Variants in CHN2 observed in about 807,000 individuals in gnomAD.
The protein encoded by CHN2 is chimerin 2.
A neutral mutation model predicts 56.3 loss-of-function variants in CHN2; 35 were observed. The observed-to-expected ratio is 0.62, with a 90% CI of 0.47 to 0.82. The LOEUF is 0.82. Ranked by LOEUF, CHN2 falls within the 40% of genes least tolerant of loss-of-function variation. The pLI is 0.00. For synonymous variants in CHN2, 210 were observed against 212.8 expected (o/e 0.99, Z 0.12); for missense variants, 491 against 580.5 (o/e 0.85, Z 1.58).
chr7:29,155,504 A>C (rs1794237857), intron 2 of CHN2, among the ~76,000 whole-genome samples: 1 of 152,214 alleles, frequency 6.6e-6, no homozygotes, highest in Non-Finnish European at 1.5e-5. Flanking sequence ...TAACAGAAGA[A>C]TAGAGATGTT....
intron 7 of CHN2, among the ~76,000 whole-genome samples, chr7:29,485,785 T>C (rs576083649): frequency 7.3e-4 from 111 of 152,226 alleles, no homozygotes; most frequent in Middle Eastern, 3.4e-3. Context: ...TCCTGGGCCC[T>C]GGAGCCATCA....
chr7:29,502,835 A>G (rs529870765), intron 9 of CHN2, among the ~76,000 whole-genome samples: 1 of 152,028 alleles, frequency 6.6e-6, no homozygotes, highest in Non-Finnish European at 1.5e-5. Context: ...GCACCTATCA[A>G]CCTGTCATCT....
At chr7:29,423,277 C>T (rs1804525966) in intron 6 of CHN2, among the ~76,000 whole-genome samples, 1 of 152,232 alleles carries the variant, frequency 6.6e-6, no homozygotes, top group African/African-American at 2.4e-5. Flanking sequence ...CCCCTGCACC[C>T]CGCAGGACTG....
chr7:29,321,849 G>A (rs1795387439), intron 1 of CHN2, among the ~76,000 whole-genome samples: 3 of 152,068 alleles, frequency 2.0e-5, no homozygotes, highest in African/African-American at 7.2e-5. Flanking sequence ...GGATACAGGC[G>A]TGAGCCACCG....
intron 3 of CHN2, among the ~76,000 whole-genome samples, chr7:29,381,724 C>A (rs900185128): frequency 1.3e-5 from 2 of 149,374 alleles, no homozygotes; most frequent in African/African-American, 4.9e-5. Flanking sequence ...GACACCCTGG[C>A]TCCAGCCCTG....
At chr7:29,263,309 C>T (rs554228980) in intron 1 of CHN2, among the ~76,000 whole-genome samples, 30 of 152,352 alleles carry the variant, frequency 2.0e-4, no homozygotes, top group African/African-American at 5.8e-4. Flanking sequence ...GGATTGCAGA[C>T]GGAGTCTCGC....
intron 11 of CHN2, among the ~76,000 whole-genome samples, chr7:29,508,401 T>C (rs1390307103): frequency 7.1e-6 from 1 of 140,358 alleles, no homozygotes; most frequent in Non-Finnish European, 1.5e-5. Flanking sequence ...CTTGTTGTTG[T>C]TGTTGTTGTT....
At chr7:29,333,791 G>A (rs1447555040) in intron 1 of CHN2, among the ~76,000 whole-genome samples, 4 of 152,112 alleles carry the variant, frequency 2.6e-5, no homozygotes, top group Non-Finnish European at 4.4e-5. Flanking sequence ...AGTGGCTGCC[G>A]GAAGCAGTAT....
intron 7 of CHN2, among the ~76,000 whole-genome samples, chr7:29,484,817 T>C (rs1481960530): frequency 6.6e-6 from 1 of 152,174 alleles, no homozygotes; most frequent in East Asian, 1.9e-4. Flanking sequence ...CCCTAAAGGA[T>C]GCATTGTCAG....
intron 6 of CHN2, among the ~76,000 whole-genome samples, chr7:29,414,515 C>T (rs920204559): frequency 2.0e-5 from 3 of 152,078 alleles, no homozygotes; most frequent in Non-Finnish European, 4.4e-5. Context: ...TCTTCATGAC[C>T]ACCCAGTGGG....
At chr7:29,372,671 A>G (rs958013255) in intron 3 of CHN2, among the ~76,000 whole-genome samples, 4 of 152,254 alleles carry the variant, frequency 2.6e-5, no homozygotes, top group African/African-American at 9.6e-5. Flanking sequence ...TACTAATAGC[A>G]TATCAGATTT....
intron 6 of CHN2, among the ~76,000 whole-genome samples, chr7:29,401,892 C>T (rs755386805): frequency 1.4e-4 from 21 of 152,142 alleles, no homozygotes; most frequent in Non-Finnish European, 2.9e-4. Context: ...TTTGCCTGGT[C>T]CTATCTGTTT....
At chr7:29,391,080 T>G (rs1585239411) in intron 3 of CHN2, among the ~76,000 whole-genome samples, 1 of 152,026 alleles carries the variant, frequency 6.6e-6, no homozygotes, top group Non-Finnish European at 1.5e-5. Flanking sequence ...CTCTCTCTCT[T>G]TGACATTAAC....
chr7:29,178,968 C>T (rs1402468155), intron 2 of CHN2, among the ~76,000 whole-genome samples: 1 of 152,154 alleles, frequency 6.6e-6, no homozygotes, highest in Non-Finnish European at 1.5e-5. Context: ...CAGGACCCCA[C>T]CTACCAGAGC....
intron 1 of CHN2, among the ~76,000 whole-genome samples, chr7:29,243,576 A>G (rs1407878810): frequency 6.6e-6 from 1 of 152,202 alleles, no homozygotes; most frequent in African/African-American, 2.4e-5. Context: ...ATAGTTTATT[A>G]TAATTTTACT....
chr7:29,368,053 GTGGAGGGATTTCAGGTTTCC>G, intron 3 of CHN2, 66 bp downstream of exon 3: 1 of 1,349,230 alleles, frequency 7.4e-7, no homozygotes, highest in Non-Finnish European at 1.0e-6. Context: ...TATGTAGAGA[GTGGAGGGATTTCAGGTTTCC>G]TGGGAGTTGA....
chr7:29,452,804 T>C (rs1784495448), intron 6 of CHN2, among the ~76,000 whole-genome samples: 1 of 152,232 alleles, frequency 6.6e-6, no homozygotes, highest in South Asian at 2.1e-4. Context: ...GTCTCATTCA[T>C]TCTGTCCCGG....
At chr7:29,264,823 A>AGG (rs1789989727) in intron 1 of CHN2, among the ~76,000 whole-genome samples, 5 of 139,826 alleles carry the variant, frequency 3.6e-5, no homozygotes, top group African/African-American at 1.3e-4. Context: ...AAAAGGGGAA[A>AGG]AAAAAAAAAA....
At chr7:29,480,451 G>GA in intron 7 of CHN2, 95 bp downstream of exon 7, 1 of 1,283,334 alleles carries the variant, frequency 7.8e-7, no homozygotes, top group East Asian at 2.3e-5. Context: ...GTAAAGTCAA[G>GA]AGACAATGAA....
Sources: allele counts gnomAD v4.1 joint callset (sites outside exome capture counted in the v4.1 genomes callset), GRCh38; gene constraint gnomAD v4.1.1; transcripts MANE v1.5; gene names NCBI Gene and HGNC (gene_info 2026-07-23, HGNC 2026-07-21).